The following H2BN1 variants were observed in gnomAD, a reference collection of about 807,000 sequenced individuals.
H2BN1 encodes histone H2B.N.
the H2BN1 span, among the ~76,000 whole-genome samples, chr17:32,898,790 G>T: frequency 1.8e-4 from 28 of 152,132 alleles, no homozygotes; most frequent in Admixed American, 1.4e-3. Flanking sequence ...TGGAAAATTG[G>T]TATAGGCCAT....
At chr17:32,897,955 C>T in the H2BN1 span, among the ~76,000 whole-genome samples, 1 of 152,184 alleles carries the variant, frequency 6.6e-6, no homozygotes, top group Non-Finnish European at 1.5e-5. Flanking sequence ...GTTAACTCCA[C>T]TTCTGTTAGG....
the H2BN1 span, among the ~76,000 whole-genome samples, chr17:32,898,628 G>A: frequency 1.3e-5 from 2 of 152,092 alleles, no homozygotes; most frequent in Non-Finnish European, 1.5e-5. Context: ...CTCAGGTTTT[G>A]TCTGATGTTT....
At chr17:32,898,387 T>C in the H2BN1 span, among the ~76,000 whole-genome samples, 1 of 152,220 alleles carries the variant, frequency 6.6e-6, no homozygotes, top group Non-Finnish European at 1.5e-5. Context: ...CAAATGGTTG[T>C]ATTCTATTGA....
chr17:32,899,305 C>G, the H2BN1 span, among the ~76,000 whole-genome samples: 1 of 152,088 alleles, frequency 6.6e-6, no homozygotes, highest in Non-Finnish European at 1.5e-5. Context: ...AAAGCCAAGC[C>G]CAGTCATGGA....
chr17:32,902,101 G>A, the H2BN1 span, among the ~76,000 whole-genome samples: 3 of 144,292 alleles, frequency 2.1e-5, no homozygotes, highest in Non-Finnish European at 3.0e-5. Flanking sequence ...TTCTCTTTAC[G>A]CTTTCTTACC....
chr17:32,900,108 C>T, the H2BN1 span, among the ~76,000 whole-genome samples: 1 of 152,154 alleles, frequency 6.6e-6, no homozygotes, highest in Admixed American at 6.5e-5. Flanking sequence ...TTCTGTGGCA[C>T]ACAATAATTT....
At chr17:32,903,684 A>G in the H2BN1 span, among the ~76,000 whole-genome samples, 6 of 152,216 alleles carry the variant, frequency 3.9e-5, no homozygotes, top group Non-Finnish European at 8.8e-5. Context: ...AGAATTTAGG[A>G]ACAACGTAGT....
chr17:32,898,726 A>G, the H2BN1 span, among the ~76,000 whole-genome samples: 3 of 152,340 alleles, frequency 2.0e-5, no homozygotes, highest in Middle Eastern at 3.4e-3. Flanking sequence ...CTCATGTCCT[A>G]TGAAGATAAA....
the H2BN1 span, among the ~76,000 whole-genome samples, chr17:32,898,692 T>C: frequency 6.6e-6 from 1 of 152,158 alleles, no homozygotes; most frequent in African/African-American, 2.4e-5. Flanking sequence ...ACTAGGAAAG[T>C]TCATTTTTAG....
the H2BN1 span, among the ~76,000 whole-genome samples, chr17:32,900,334 A>T: frequency 6.6e-6 from 1 of 152,226 alleles, no homozygotes; most frequent in Admixed American, 6.5e-5. Flanking sequence ...TAAAGGATTA[A>T]ATTTTGACTT....
the H2BN1 span, among the ~76,000 whole-genome samples, chr17:32,901,116 G>C: frequency 6.6e-6 from 1 of 152,036 alleles, no homozygotes; most frequent in Non-Finnish European, 1.5e-5. Flanking sequence ...GCTGAGGCAG[G>C]AGAATTGCTT....
chr17:32,904,251 C>T, the H2BN1 span, among the ~76,000 whole-genome samples: 12 of 152,166 alleles, frequency 7.9e-5, no homozygotes, highest in Non-Finnish European at 1.6e-4. Context: ...ATGAAAACAA[C>T]AGTTCAGTTC....
the H2BN1 span, among the ~76,000 whole-genome samples, chr17:32,895,913 T>C: frequency 5.3e-4 from 80 of 152,310 alleles, 1 homozygote; most frequent in Non-Finnish European, 8.8e-5. Flanking sequence ...TTTCCTTTTT[T>C]TTGAGATGGG....
At chr17:32,904,759 ACTT>A in the H2BN1 span, among the ~76,000 whole-genome samples, 1 of 149,230 alleles carries the variant, frequency 6.7e-6, no homozygotes, top group Non-Finnish European at 1.5e-5. Flanking sequence ...AAATGAAAGA[ACTT>A]TTTTTTTTTT....
At chr17:32,901,661 T>G in the H2BN1 span, among the ~76,000 whole-genome samples, 1 of 152,172 alleles carries the variant, frequency 6.6e-6, no homozygotes, top group African/African-American at 2.4e-5. Context: ...GTACTTGTAT[T>G]TAAAAGTATG....
the H2BN1 span, among the ~76,000 whole-genome samples, chr17:32,898,606 A>G: frequency 6.6e-6 from 1 of 152,172 alleles, no homozygotes; most frequent in Non-Finnish European, 1.5e-5. Flanking sequence ...TTTAGGAGAA[A>G]ATTAATCTGC....
the H2BN1 span, among the ~76,000 whole-genome samples, chr17:32,898,450 G>T: frequency 6.6e-6 from 1 of 152,202 alleles, no homozygotes; most frequent in Non-Finnish European, 1.5e-5. Flanking sequence ...ATATCTCAGT[G>T]AGTAGAGCAG....
At chr17:32,897,453 A>G in the H2BN1 span, among the ~76,000 whole-genome samples, 2 of 151,912 alleles carry the variant, frequency 1.3e-5, no homozygotes, top group Admixed American at 1.3e-4. Context: ...TCTCATGTCC[A>G]AGTGGAGCTA....
the H2BN1 span, among the ~76,000 whole-genome samples, chr17:32,895,756 T>C: frequency 6.6e-6 from 1 of 152,236 alleles, no homozygotes; most frequent in Non-Finnish European, 1.5e-5. Flanking sequence ...ACAGCTTTTC[T>C]AAATTGGATC....
Sources: allele counts gnomAD v4.1 joint callset (sites outside exome capture counted in the v4.1 genomes callset), GRCh38; gene constraint gnomAD v4.1.1; transcripts MANE v1.5; gene names NCBI Gene and HGNC (gene_info 2026-07-23, HGNC 2026-07-21).